The following NAV3 variants were observed in gnomAD, a reference collection of about 807,000 sequenced individuals.
NAV3 encodes neuron navigator 3, also known as pore membrane and/or filament interacting like protein 1.
NAV3 carries 87 observed loss-of-function variants against 244.7 expected under a neutral mutation model. The ratio of observed to expected loss-of-function variants is 0.36; its 90% confidence interval spans 0.30 to 0.42. The LOEUF is 0.42. Ranked by LOEUF, NAV3 falls within the 20% of genes least tolerant of loss-of-function variation. The pLI, the probability that NAV3 is intolerant of heterozygous loss-of-function variation, is 1.00. For synonymous variants in NAV3, 1,126 were observed against 1,042.2 expected (o/e 1.08, Z -1.55); for missense variants, 2,663 against 2,893.3 (o/e 0.92, Z 1.83).
At chr12:77,719,462 T>C (rs1876513058) in intron 2 of NAV3, among the ~76,000 whole-genome samples, 1 of 152,054 alleles carries the variant, frequency 6.6e-6, no homozygotes, top group Non-Finnish European at 1.5e-5. Flanking sequence ...TTGCTGTTTA[T>C]TATTTTGAGG....
chr12:77,936,443 G>A (rs574575028), intron 1 of NAV3, among the ~76,000 whole-genome samples: 3 of 152,164 alleles, frequency 2.0e-5, no homozygotes, highest in African/African-American at 4.8e-5. Context: ...GAGATAAATC[G>A]TATTGGAAGC....
At chr12:77,853,805 A>C (rs950050837) in intron 1 of NAV3, among the ~76,000 whole-genome samples, 2 of 152,288 alleles carry the variant, frequency 1.3e-5, no homozygotes, top group African/African-American at 4.8e-5. Flanking sequence ...ATAAGGTATA[A>C]ATTTTTCTTA....
At chr12:78,147,400 TA>T (rs988695100) in intron 21 of NAV3, among the ~76,000 whole-genome samples, 6 of 152,122 alleles carry the variant, frequency 3.9e-5, no homozygotes, top group Middle Eastern at 3.4e-3. Context: ...AGTTATGGTT[TA>T]AAAAAACAAT....
At chr12:77,899,725 G>A (rs1347989885) in intron 1 of NAV3, among the ~76,000 whole-genome samples, 5 of 152,136 alleles carry the variant, frequency 3.3e-5, no homozygotes, top group Middle Eastern at 3.4e-3. Context: ...AATAAAATGA[G>A]GCATATTTTA....
intron 2 of NAV3, among the ~76,000 whole-genome samples, chr12:77,758,594 G>T (rs778437654): frequency 1.3e-5 from 2 of 152,006 alleles, no homozygotes; most frequent in Non-Finnish European, 2.9e-5. Context: ...CCAGTTATAC[G>T]CAGTCTAAAT....
chr12:77,788,027 G>A (rs138106310), intron 2 of NAV3, among the ~76,000 whole-genome samples: 1 of 152,262 alleles, frequency 6.6e-6, no homozygotes, highest in Non-Finnish European at 1.5e-5. Flanking sequence ...CCAGTCTCTG[G>A]TGCTGGATTA....
At chr12:77,650,003 C>A (rs571952090) in intron 2 of NAV3, among the ~76,000 whole-genome samples, 2 of 152,114 alleles carry the variant, frequency 1.3e-5, no homozygotes. Context: ...GGTATGGCCC[C>A]GGTGTCCTTT....
At chr12:77,838,447 C>T (rs1875042386) in intron 1 of NAV3, among the ~76,000 whole-genome samples, 1 of 152,120 alleles carries the variant, frequency 6.6e-6, no homozygotes, top group Non-Finnish European at 1.5e-5. Flanking sequence ...ATTGTTGATG[C>T]TAATTACATG....
chr12:78,115,714 T>C (rs1469230935), intron 12 of NAV3, among the ~76,000 whole-genome samples: 1 of 152,096 alleles, frequency 6.6e-6, no homozygotes, highest in East Asian at 1.9e-4. Flanking sequence ...TTTTGATACA[T>C]AAATGCTTAC....
intron 1 of NAV3, among the ~76,000 whole-genome samples, chr12:77,911,083 G>A (rs1402506705): frequency 3.9e-5 from 6 of 152,068 alleles, no homozygotes; most frequent in South Asian, 4.1e-4. Flanking sequence ...TATAGAGATC[G>A]TGTATGAATG....
chr12:77,841,046 C>A (rs1042137367), intron 1 of NAV3, among the ~76,000 whole-genome samples: 1 of 152,204 alleles, frequency 6.6e-6, no homozygotes, highest in African/African-American at 2.4e-5. Flanking sequence ...TCTGTAAGAA[C>A]TGTTTTACTT....
Position 78,090,301 on chromosome 12 carries a change from CAT to C in NAV3, c.2637-26470_2637-26469del, listed in dbSNP as rs144643491. ...ATTAAATTGAAAGTGTTCCTATACA[CAT>C]GTTTCTTTGATTTTAGTACTACAAA... On this transcript the variant is annotated intron_variant, in intron 12 of 39. Transcript: ENST00000397909. 4.6e-3 allele frequency among the ~76,000 whole-genome samples: 695 copies of C among 150,658 alleles called. 3 individuals carry two copies. Among genetic ancestry groups the C allele is most frequent in the Middle Eastern group, 0.01 (3 of 290 alleles).
At chr12:78,123,348 T>TA (rs1424308176) in intron 16 of NAV3, among the ~76,000 whole-genome samples, 3 of 151,924 alleles carry the variant, frequency 2.0e-5, no homozygotes, top group South Asian at 2.1e-4. Context: ...TTTTTATTTT[T>TA]TTTTTATTTT....
intron 23 of NAV3, among the ~76,000 whole-genome samples, chr12:78,164,384 G>A (rs1348635366): frequency 6.6e-6 from 1 of 151,916 alleles, no homozygotes; most frequent in African/African-American, 2.4e-5. Context: ...TTTTTTGGGT[G>A]ACTACAAAAC....
chr12:78,158,250 G>A (rs1256191713), intron 22 of NAV3, among the ~76,000 whole-genome samples: 4 of 152,060 alleles, frequency 2.6e-5, no homozygotes, highest in Admixed American at 2.6e-4. Flanking sequence ...GACTTCGTTT[G>A]CAAAATATTA....
intron 12 of NAV3, among the ~76,000 whole-genome samples, chr12:78,085,627 G>A (rs993060241): frequency 1.3e-5 from 2 of 152,058 alleles, no homozygotes; most frequent in Non-Finnish European, 2.9e-5. Flanking sequence ...TTTGGGAAGG[G>A]AGAAGATGAA....
chr12:78,181,372 A>C (rs300521), intron 30 of NAV3, among the ~76,000 whole-genome samples: 1 of 151,974 alleles, frequency 6.6e-6, no homozygotes, highest in Non-Finnish European at 1.5e-5. Flanking sequence ...AATAACCCCA[A>C]TGACTTTTAT....
intron 1 of NAV3, among the ~76,000 whole-genome samples, chr12:77,897,730 G>A (rs1348852120): frequency 6.6e-6 from 1 of 150,634 alleles, no homozygotes; most frequent in Non-Finnish European, 1.5e-5. Context: ...GGGGATTGTT[G>A]GCAGATGTTT....
intron 2 of NAV3, among the ~76,000 whole-genome samples, chr12:77,647,335 C>G (rs1276040149): frequency 6.6e-6 from 1 of 152,136 alleles, no homozygotes; most frequent in Non-Finnish European, 1.5e-5. Context: ...AACGCCTTAG[C>G]TGGTACACCA....
Sources: gnomAD v4.1 joint callset for allele counts (sites outside exome capture counted in the v4.1 genomes callset) on GRCh38, gnomAD v4.1.1 for gene constraint, MANE v1.5 for transcripts, NCBI Gene and HGNC (gene_info 2026-07-23, HGNC 2026-07-21) for gene names.